The following PTPRD variants were observed in gnomAD, a reference collection of about 807,000 sequenced individuals.
PTPRD encodes the protein receptor-type tyrosine-protein phosphatase delta.
A neutral mutation model predicts 214.5 loss-of-function variants in PTPRD; 34 were observed. The observed-to-expected ratio is 0.16, with a 90% confidence interval of 0.12 to 0.21. The LOEUF (loss-of-function observed/expected upper bound fraction) is 0.21, where lower values mean the gene tolerates loss of function less well. PTPRD is among the 10% of genes least tolerant of loss of function. The pLI is 1.00. For missense variants in PTPRD, 2,545 were observed against 2,398.7 expected (o/e 1.06, Z -1.27); for synonymous variants, 1,128 against 845.7 (o/e 1.33, Z -5.79).
chr9:8,652,397 G>A (rs971227418), intron 12 of PTPRD, among the ~76,000 whole-genome samples: 3 of 152,280 alleles, frequency 2.0e-5, no homozygotes, highest in Non-Finnish European at 4.4e-5. Context: ...CCTGGCACAC[G>A]GCTATTGTTC....
intron 14 of PTPRD, among the ~76,000 whole-genome samples, chr9:8,579,601 G>C (rs1006241423): frequency 2.6e-5 from 4 of 152,156 alleles, no homozygotes; most frequent in African/African-American, 9.7e-5. Flanking sequence ...GGGAACAAAA[G>C]ATACATATAT....
chr9:10,234,126 C>T (rs1193863199), intron 3 of PTPRD, among the ~76,000 whole-genome samples: 1 of 151,684 alleles, frequency 6.6e-6, no homozygotes, highest in Non-Finnish European at 1.5e-5. Flanking sequence ...TGATGGCATA[C>T]ACCTGTAATC....
At chr9:10,334,096 G>T (rs761649332) in intron 3 of PTPRD, among the ~76,000 whole-genome samples, 5 of 151,572 alleles carry the variant, frequency 3.3e-5, no homozygotes, top group Admixed American at 1.3e-4. Flanking sequence ...CAATGACCAG[G>T]TGCTGAAGCT....
chr9:8,441,978 C>T (rs779896985), intron 34 of PTPRD, among the ~76,000 whole-genome samples: 1 of 152,116 alleles, frequency 6.6e-6, no homozygotes, highest in Non-Finnish European at 1.5e-5. Context: ...TTTGGGCTCT[C>T]TATGCAGCAA....
chr9:8,734,777 A>G (rs987684038), intron 11 of PTPRD, among the ~76,000 whole-genome samples: 1 of 152,200 alleles, frequency 6.6e-6, no homozygotes, highest in Non-Finnish European at 1.5e-5. Flanking sequence ...ACACCAGATG[A>G]TTAGTACAAT....
chr9:8,718,180 A>G (rs146734377), intron 12 of PTPRD, among the ~76,000 whole-genome samples: 1 of 152,290 alleles, frequency 6.6e-6, no homozygotes, highest in East Asian at 1.9e-4. Context: ...TGGTGATCAT[A>G]ATTTGTCAAA....
At chr9:9,002,700 C>T (rs749966819) in intron 11 of PTPRD, among the ~76,000 whole-genome samples, 9 of 151,950 alleles carry the variant, frequency 5.9e-5, no homozygotes, top group East Asian at 1.9e-4. Flanking sequence ...ACTGGGCTTC[C>T]GCCTACTTCT....
intron 3 of PTPRD, among the ~76,000 whole-genome samples, chr9:10,149,269 C>T (rs1469383737): frequency 6.6e-6 from 1 of 152,146 alleles, no homozygotes; most frequent in Non-Finnish European, 1.5e-5. Context: ...TAAAACATAA[C>T]ATCAACAACT....
chr9:8,662,148 G>A (rs1319393356), intron 12 of PTPRD, among the ~76,000 whole-genome samples: 1 of 152,106 alleles, frequency 6.6e-6, no homozygotes, highest in African/African-American at 2.4e-5. Flanking sequence ...ATGAGGATTT[G>A]ATGTATTTTA....
rs368209122 is a variant in PTPRD at position 9,578,427 on chromosome 9, G to A, written c.-286-3646C>T. On this transcript the variant is annotated intron_variant, in intron 7 of 45. Transcript: ENST00000381196. ...ATGGTGATTTCTTCCTCATTAAAAA[G>A]AATTAGAGTGCATTACTTCCTCTTG... Among the ~76,000 whole-genome samples, 13 of 152,134 alleles carry A rather than the reference G, an allele frequency of 8.5e-5. No homozygotes were observed. In the East Asian group the frequency reaches 1.2e-3, roughly 14 times the overall value.
At chr9:8,962,598 G>A (rs372602031) in intron 11 of PTPRD, among the ~76,000 whole-genome samples, 1 of 152,106 alleles carries the variant, frequency 6.6e-6, no homozygotes, top group East Asian at 1.9e-4. Context: ...TGTATCAAGG[G>A]TGTCCATGTA....
intron 3 of PTPRD, among the ~76,000 whole-genome samples, chr9:10,322,720 A>G (rs1482564364): frequency 6.6e-6 from 1 of 152,034 alleles, no homozygotes; most frequent in East Asian, 1.9e-4. Flanking sequence ...ATTGGTACCA[A>G]TTGGTTTTGT....
chr9:10,334,391 G>A (rs1248623913), intron 3 of PTPRD, among the ~76,000 whole-genome samples: 1 of 151,478 alleles, frequency 6.6e-6, no homozygotes, highest in Non-Finnish European at 1.5e-5. Context: ...GAATAGAAGG[G>A]AGCTTCCTCA....
At position 8,500,850 on chromosome 9, in the gene PTPRD, C is replaced by T. The variant is rs1168246256; in HGVS notation, c.2032G>A (p.Glu678Lys). The T allele has an allele frequency of 1.9e-6, 3 of 1,614,154 alleles. No individual in the cohort carries two copies. Among genetic ancestry groups the T allele is most frequent in the South Asian group, 2.2e-5 (2 of 91,084 alleles). The change falls in exon 24 of 46, where the codon GAA (glutamate) becomes AAA (lysine). Residue 678 changes from glutamate to lysine, a missense_variant. Transcript: ENST00000381196. ...DTTKYLLEQL[E>K]KWTEYRITVT... is the part of the protein sequence containing the mutation. ...GTGATCCGGTATTCAGTCCATTTTT[C>T]CAGCTGTTCCAAAAGGTATTTGGTA...
chr9:9,041,183 A>G (rs1234212683), intron 10 of PTPRD, among the ~76,000 whole-genome samples: 1 of 152,036 alleles, frequency 6.6e-6, no homozygotes, highest in South Asian at 2.1e-4. Flanking sequence ...TTAAAAAAAT[A>G]TAACTCTCAT....
chr9:10,089,455 G>T (rs1389560217), intron 3 of PTPRD, among the ~76,000 whole-genome samples: 2 of 151,632 alleles, frequency 1.3e-5, no homozygotes, highest in East Asian at 3.9e-4. Context: ...TCATAAGATT[G>T]AATTATTGTA....
At chr9:10,463,781 G>T (rs539395547) in intron 2 of PTPRD, among the ~76,000 whole-genome samples, 13 of 151,968 alleles carry the variant, frequency 8.6e-5, no homozygotes, top group Non-Finnish European at 1.8e-4. Context: ...GAAAAAAAGA[G>T]GTGTGATCCA....
intron 7 of PTPRD, among the ~76,000 whole-genome samples, chr9:9,578,794 A>G (rs116423006): frequency 0.026 from 3,955 of 152,174 alleles, 184 homozygotes; most frequent in African/African-American, 0.09. Flanking sequence ...AAATCTTACT[A>G]TCAATATGTT....
At chr9:8,334,259 T>C (rs993865553) in intron 43 of PTPRD, among the ~76,000 whole-genome samples, 51 of 152,058 alleles carry the variant, frequency 3.4e-4, no homozygotes, top group Non-Finnish European at 5.9e-5. Context: ...GCACTTATTC[T>C]AACATTGACC....
Sources: gnomAD v4.1 joint callset for allele counts (sites outside exome capture counted in the v4.1 genomes callset) on GRCh38, gnomAD v4.1.1 for gene constraint, MANE v1.5 for transcripts, NCBI Gene and HGNC (gene_info 2026-07-23, HGNC 2026-07-21) for gene names.